The following TMEM130 variants were observed in gnomAD, a reference collection of about 807,000 sequenced individuals.
The protein encoded by TMEM130 is transmembrane protein 130.
Under a neutral mutation model 42.9 loss-of-function variants are expected in TMEM130, and 37 were observed. The ratio of observed to expected loss-of-function variants is 0.86; its 90% CI spans 0.66 to 1.13. The LOEUF is 1.13. Among genes scored for constraint, TMEM130 ranks in the 50% most tolerant of loss-of-function variants. TMEM130 has a pLI of 0.00. For synonymous variants in TMEM130, 259 were observed against 237.7 expected, an observed-to-expected ratio of 1.09 and a Z score of -0.82; for missense variants, 545 against 562.6, an observed-to-expected ratio of 0.97 and a Z score of 0.32.
intron 6 of TMEM130, among the ~76,000 whole-genome samples, chr7:98,850,273 A>ATATATATTTTTTTTTTTTT: frequency 1.7e-4 from 6 of 35,452 alleles, no homozygotes; most frequent in Non-Finnish European, 2.5e-4. Context: ...ATATATATAT[A>ATATATATTTTTTTTTTTTT]TTTTTTTTTT....
rs531832914 is a variant in TMEM130, at chr7:98,848,927, T to C, written c.1007-232A>G. ...CAGCATACATCCACAAGTTACTTGG[T>C]AGCAACTTCCAAGAGGGGCAGCTAA... is the stretch of plus-strand genomic sequence containing the variant. On this transcript the variant is annotated intron_variant, in intron 6 of 7. Coordinates refer to ENST00000339375, the MANE Select transcript of TMEM130 (RefSeq NM_152913.3). Among the ~76,000 whole-genome samples the C allele has an allele frequency of 2.6e-5, 4 of 152,314 alleles. 1 individual carries two copies. Among genetic ancestry groups the C allele is most frequent in the Admixed American group, 1.3e-4 (2 of 15,300 alleles).
intron 3 of TMEM130, among the ~76,000 whole-genome samples, chr7:98,859,903 T>C (rs1467247311): frequency 1.3e-5 from 2 of 150,396 alleles, no homozygotes; most frequent in East Asian, 3.9e-4. Flanking sequence ...AAAATAAAAA[T>C]AAAAAAAATA....
chr7:98,867,294 T>A (rs1233995425), intron 1 of TMEM130, among the ~76,000 whole-genome samples: 1 of 151,898 alleles, frequency 6.6e-6, no homozygotes, highest in Non-Finnish European at 1.5e-5. Flanking sequence ...CCCGCATGGG[T>A]CACTGCTGCT....
intron 5 of TMEM130, among the ~76,000 whole-genome samples, chr7:98,854,446 A>C (rs1794581987): frequency 6.6e-6 from 1 of 152,160 alleles, no homozygotes; most frequent in South Asian, 2.1e-4. Flanking sequence ...GACCTCAAGA[A>C]TTGAGCTGAG....
intron 6 of TMEM130, among the ~76,000 whole-genome samples, chr7:98,850,273 A>ATATATATATTTTTTTTTTT: frequency 1.1e-4 from 4 of 35,450 alleles, no homozygotes; most frequent in South Asian, 1.1e-3. Context: ...ATATATATAT[A>ATATATATATTTTTTTTTTT]TTTTTTTTTT....
At chr7:98,864,561 G>A (rs550952482) in intron 1 of TMEM130, among the ~76,000 whole-genome samples, 172 of 151,730 alleles carry the variant, frequency 1.1e-3, no homozygotes, top group African/African-American at 3.6e-3. Context: ...TCATGCCTCT[G>A]GATTCCTCCT....
chr7:98,863,384 A>T lies in TMEM130; in HGVS notation c.102T>A (p.Asn34Lys). The change falls in exon 2 of 8, where the codon AAT (asparagine) becomes AAA (lysine). Residue 34 changes from asparagine to lysine, a missense_variant. Physicochemically the swap from Asn to Lys is moderately conservative, Grantham distance 94. Coordinates refer to ENST00000339375, the MANE Select transcript of TMEM130 (RefSeq NM_152913.3). ...AGVAAGLYEL[N>K]LTTDSPATTG... Reference sequence around the variant, plus strand: ...TGGTGGCAGGGCTATCGGTGGTGAGATTGAGTTCATACAGGCCTAGGAGCC... The same window carrying T: ...TGGTGGCAGGGCTATCGGTGGTGAGTTTGAGTTCATACAGGCCTAGGAGCC... 6.3e-7 allele frequency: 1 copy of T among 1,594,324 alleles called. No individual in the cohort carries two copies. The highest frequency in any genetic ancestry group is 2.2e-5 in the East Asian group (1 of 44,722).
chr7:98,848,541 G>C (rs1316745158), intron 7 of TMEM130, 42 bp downstream of exon 7: 1 of 1,368,790 alleles, frequency 7.3e-7, no homozygotes, highest in African/African-American at 1.4e-5. Flanking sequence ...TCCTCTCTAG[G>C]CAAGGCCCAG....
At chr7:98,854,378 C>T (rs987261818) in intron 5 of TMEM130, among the ~76,000 whole-genome samples, 2 of 132,178 alleles carry the variant, frequency 1.5e-5, no homozygotes, top group Non-Finnish European at 3.4e-5. Flanking sequence ...TCCCTCCCAA[C>T]CTTTGTCTCC....
chr7:98,869,675 CA>C lies in TMEM130; in HGVS notation c.85+101del, dbSNP rs1794987247. 1.6e-5 allele frequency: 14 copies of C among 869,912 alleles called. No homozygotes were observed. Among genetic ancestry groups the C allele is most frequent in the Non-Finnish European group, 2.2e-5 (14 of 635,496 alleles). The allele number at this position is 869,912 out of a possible 1,614,324, so 53.9% of individuals were successfully genotyped here. A position where few individuals can be genotyped will look rare whatever the true frequency, so the allele number is the denominator to read the frequency against. On this transcript the variant is annotated intron_variant, in intron 1 of 7. Coordinates refer to ENST00000339375, the MANE Select transcript of TMEM130 (RefSeq NM_152913.3). This position sits in a 1 kb window ranked among gnomAD's most constrained non-coding sequence, Gnocchi z 4.7. The stretch of plus-strand genomic sequence containing the variant: ...GAGATGCGCGCAGGGCGCACGGTGC[CA>C]CCTCCGCAATCCCTGCTCCCGGGCC...
At position 98,869,694 on chromosome 7, in the gene TMEM130, C is replaced by T; in HGVS notation, c.85+83G>A. 3 of 1,069,938 alleles carry T rather than the reference C, an allele frequency of 2.8e-6. No individual in the cohort carries two copies. The highest frequency in any genetic ancestry group is 3.7e-6 in the Non-Finnish European group (3 of 815,450). The allele number at this position is 1,069,938 out of a possible 1,614,324, so 66.3% of individuals were successfully genotyped here. On this transcript the variant is annotated intron_variant, in intron 1 of 7. Transcript: ENST00000339375. The surrounding 1 kb of genome is among the most constrained non-coding windows in gnomAD (Gnocchi z 4.7). ...CGGTGCCACCTCCGCAATCCCTGCT[C>T]CCGGGCCCACTCGCCCGCTGAGACG...
chr7:98,848,081 TTA>T lies in TMEM130; in HGVS notation c.1245_1246del (p.Tyr415Ter), dbSNP rs1355409201. 3 of 1,613,860 alleles carry T rather than the reference TTA, an allele frequency of 1.9e-6. No individual in the cohort carries two copies. Among genetic ancestry groups the T allele is most frequent in the Non-Finnish European group, 2.5e-6 (3 of 1,179,972 alleles). The stretch of plus-strand genomic sequence containing the variant: ...TCACACGGTGTAAGTTTTGACAGAC[TTA>T]TAGAGGGGCGGGAGCAGCCCGTGGT... On this transcript the variant is annotated stop_gained and frameshift_variant, in exon 8 of 8. Coordinates refer to ENST00000339375, the MANE Select transcript of TMEM130 (RefSeq NM_152913.3). LOFTEE classifies it high-confidence loss of function.
In TMEM130 at chr7:98,860,755, C is replaced by G. The variant is rs879994915; in HGVS notation, c.392-417G>C. Among the ~76,000 whole-genome samples the G allele has an allele frequency of 7.3e-5, 11 of 150,666 alleles. 1 individual carries two copies. The highest frequency in any genetic ancestry group is 7.3e-4 in the Admixed American group (11 of 15,094). ...GTCAAGAGTTCAAGACCAGCCTGGC[C>G]AAGATGGTGAAACCCCGTCACTACT... On this transcript the variant is annotated intron_variant, in intron 2 of 7. Coordinates refer to ENST00000339375, the MANE Select transcript of TMEM130 (RefSeq NM_152913.3).
chr7:98,865,650 TTTTCAACTA>T (rs551760944), intron 1 of TMEM130: 196 of 152,198 alleles, frequency 1.3e-3, no homozygotes, highest in African/African-American at 4.1e-3. Flanking sequence ...GACCTTGTGG[TTTTCAACTA>T]TTTCAACTAT....
Position 98,855,319 on chromosome 7 carries a change from G to A in TMEM130, c.724C>T (p.Leu242Phe), listed in dbSNP as rs1554398800. 2 of 1,612,290 alleles carry A rather than the reference G, an allele frequency of 1.2e-6. No individual in the cohort carries two copies. The highest frequency in any genetic ancestry group is 2.2e-5 in the South Asian group (2 of 90,714). ...GGCCCCAACACTTGGATGCCTCGAA[G>A]GGTTTCTGTAAGGCAGAGAGAACCC... ...FSASLKLQET[L>F]RGIQVLGPTL... The change falls in exon 5 of 8, where the codon CTT becomes TTT. Residue 242 changes from leucine (L) to phenylalanine (F), a missense_variant. Coordinates refer to ENST00000339375, the MANE Select transcript of TMEM130 (RefSeq NM_152913.3).
chr7:98,851,667 G>A (rs1554398298), intron 5 of TMEM130, 44 bp from the exon 6 acceptor site: 3 of 1,531,500 alleles, frequency 2.0e-6, no homozygotes, highest in Non-Finnish European at 2.6e-6. Context: ...GCTCAGCAAA[G>A]CATGTCAGCA....
At chr7:98,856,326 C>G in intron 3 of TMEM130, 143 bp from the exon 4 acceptor site, 1 of 800,378 alleles carries the variant, frequency 1.2e-6, no homozygotes, top group Non-Finnish European at 2.0e-6. Context: ...GCACACCTGT[C>G]ATCACAGCCT....
chr7:98,863,783 CCTCCT>C (rs201022935), intron 1 of TMEM130, among the ~76,000 whole-genome samples: 3,553 of 148,730 alleles, frequency 0.024, 152 homozygotes, highest in African/African-American at 0.084. Context: ...TCTCTCCCTC[CCTCCT>C]CTCTTTTTTC....
rs782067031 is a variant in TMEM130 at position 98,856,045 on chromosome 7, C to T, written c.690G>A (p.Gly230=). Residue 230 remains glycine (G), a synonymous_variant, in exon 4 of 8, where the codon GGG becomes GGA. Coordinates refer to ENST00000339375, the MANE Select transcript of TMEM130 (RefSeq NM_152913.3). ...DATRAVKQKT[G]DFSASLKLQE... is the part of the protein sequence containing the mutation. ...GCAGCTTCAGCGAGGCGGAGAAGTC[C>T]CCGGTCTTCTGCTTCACAGCCCTCG... 2.2e-5 allele frequency: 36 copies of T among 1,613,418 alleles called. No individual in the cohort carries two copies. The highest frequency in any genetic ancestry group is 2.8e-5 in the Non-Finnish European group (33 of 1,180,038).
Sources: gnomAD v4.1 joint callset for allele counts (sites outside exome capture counted in the v4.1 genomes callset) on GRCh38, gnomAD v4.1.1 for gene constraint, Gnocchi (gnomAD v3.1) non-coding constraint, MANE v1.5 for transcripts, NCBI Gene and HGNC (gene_info 2026-07-23, HGNC 2026-07-21) for gene names.